Variants in MTUS2 observed in about 807,000 individuals in gnomAD.
MTUS2 encodes microtubule-associated tumor suppressor candidate 2.
A neutral mutation model predicts 114.1 loss-of-function variants in MTUS2; 40 were observed. The ratio of observed to expected loss-of-function variants is 0.35; its 90% CI spans 0.27 to 0.46. The LOEUF (loss-of-function observed/expected upper bound fraction) is 0.46. MTUS2 is among the 20% of genes least tolerant of loss of function. The probability of loss-of-function intolerance (pLI) is 1.00; values close to 1 mark genes in which losing one functional copy is unlikely to be tolerated. For missense variants in MTUS2, 1,679 were observed against 1,705.4 expected, an observed-to-expected ratio of 0.98 and a Z score of 0.27; for synonymous variants, 688 against 672.0, an observed-to-expected ratio of 1.02 and a Z score of -0.37.
At chr13:28,985,384 C>G (rs1179389467) in intron 2 of MTUS2, among the ~76,000 whole-genome samples, 1 of 152,150 alleles carries the variant, frequency 6.6e-6, no homozygotes, top group African/African-American at 2.4e-5. Context: ...GTACTGAAAG[C>G]AGTTAGCACA....
chr13:29,334,857 C>A (rs1485795980), intron 7 of MTUS2, among the ~76,000 whole-genome samples: 1 of 152,216 alleles, frequency 6.6e-6, no homozygotes, highest in Non-Finnish European at 1.5e-5. Flanking sequence ...AATCAATACT[C>A]TTGTGATTTC....
chr13:29,048,670 G>A (rs1205714214), intron 4 of MTUS2, among the ~76,000 whole-genome samples: 2 of 152,136 alleles, frequency 1.3e-5, no homozygotes, highest in African/African-American at 2.4e-5. Context: ...AGGTCTTACT[G>A]TATTGCCCAG....
chr13:29,491,031 G>A (rs1217454256), intron 11 of MTUS2, among the ~76,000 whole-genome samples: 1 of 145,514 alleles, frequency 6.9e-6, no homozygotes, highest in Non-Finnish European at 1.5e-5. Flanking sequence ...GGGGGGATGC[G>A]GGTTTGTGTG....
intron 5 of MTUS2, among the ~76,000 whole-genome samples, chr13:29,128,990 A>G (rs963815889): frequency 6.6e-6 from 1 of 152,214 alleles, no homozygotes; most frequent in African/African-American, 2.4e-5. Context: ...TGTAAATGAT[A>G]AAACAAAGGT....
intron 5 of MTUS2, among the ~76,000 whole-genome samples, chr13:29,254,352 C>T (rs1029453870): frequency 1.3e-5 from 2 of 152,176 alleles, no homozygotes; most frequent in Non-Finnish European, 2.9e-5. Context: ...GCAGAATGGC[C>T]TGGACCTGTA....
intron 12 of MTUS2, among the ~76,000 whole-genome samples, chr13:29,495,027 A>C (rs1320296144): frequency 1.3e-5 from 2 of 151,768 alleles, no homozygotes; most frequent in Non-Finnish European, 2.9e-5. Flanking sequence ...TCTACCAAAA[A>C]TACAAAATTA....
In MTUS2 at chr13:29,471,918, A is replaced by G. The variant is rs192037184; in HGVS notation, c.3185-8232A>G. 9.1e-3 allele frequency among the ~76,000 whole-genome samples: 1,379 copies of G among 152,346 alleles called. 8 individuals carry two copies. The highest frequency in any genetic ancestry group is 0.015 in the Non-Finnish European group (994 of 68,026). On this transcript the variant is annotated intron_variant, in intron 9 of 15. Coordinates refer to ENST00000612955, the MANE Select transcript of MTUS2 (RefSeq NM_001033602.4). ...CGCAGATGCCACCTGTGATTTTCAC[A>G]GCGCCAGCTCCCTTTTGGTCACCAG... is the stretch of plus-strand genomic sequence containing the variant.
At chr13:29,107,775 T>A (rs1357531630) in intron 5 of MTUS2, among the ~76,000 whole-genome samples, 1 of 152,214 alleles carries the variant, frequency 6.6e-6, no homozygotes, top group African/African-American at 2.4e-5. Context: ...CAAACTTAGA[T>A]GTCTCGTTTT....
chr13:28,887,659 A>C (rs981358399), intron 2 of MTUS2, among the ~76,000 whole-genome samples: 4 of 152,202 alleles, frequency 2.6e-5, no homozygotes, highest in African/African-American at 9.6e-5. Flanking sequence ...CCTTGCAGGC[A>C]TGTGCCAAGG....
At chr13:28,830,286 G>A (rs926856888) in intron 1 of MTUS2, among the ~76,000 whole-genome samples, 1 of 151,938 alleles carries the variant, frequency 6.6e-6, no homozygotes, top group African/African-American at 2.4e-5. Context: ...GCCATAACAG[G>A]AAAAACAAAA....
At chr13:29,493,690 G>T (rs1480628269) in intron 12 of MTUS2, among the ~76,000 whole-genome samples, 1 of 152,144 alleles carries the variant, frequency 6.6e-6, no homozygotes, top group Non-Finnish European at 1.5e-5. Context: ...GTGGTTTGCC[G>T]TTGGCCAATG....
At position 28,981,599 on chromosome 13, in the gene MTUS2, G is replaced by T. The variant is rs551841993; in HGVS notation, c.-242-42858G>T. Among the ~76,000 whole-genome samples the T allele has an allele frequency of 2.6e-5, 4 of 152,328 alleles. No individual in the cohort carries two copies. The East Asian group carries it at 7.7e-4, about 29-fold the overall frequency. On this transcript the variant is annotated intron_variant, in intron 2 of 15. Coordinates refer to ENST00000612955, the MANE Select transcript of MTUS2 (RefSeq NM_001033602.4). ...GAAATGAAAAAAGTGATGGAAAAAA[G>T]TAGAGTTCCCAGTATTGTTTCCCTT...
chr13:29,158,426 C>G (rs1265093771), intron 5 of MTUS2, among the ~76,000 whole-genome samples: 4 of 144,504 alleles, frequency 2.8e-5, no homozygotes, highest in Non-Finnish European at 4.5e-5. Context: ...AGGGCTCAGC[C>G]CAGGCCAATC....
intron 5 of MTUS2, among the ~76,000 whole-genome samples, chr13:29,276,586 A>G (rs757853303): frequency 2.0e-5 from 3 of 152,160 alleles, no homozygotes; most frequent in Non-Finnish European, 4.4e-5. Flanking sequence ...CTGGCCACCA[A>G]CCAGCTCAAT....
chr13:29,316,386 G>T (rs1244914268), intron 6 of MTUS2, among the ~76,000 whole-genome samples: 5 of 152,166 alleles, frequency 3.3e-5, no homozygotes, highest in Non-Finnish European at 7.4e-5. Context: ...AGGTAGAAAG[G>T]TTGGGGCCAG....
chr13:28,839,757 C>T (rs969089362), intron 1 of MTUS2, 21 bp from the exon 2 acceptor site: 1 of 152,022 alleles, frequency 6.6e-6, no homozygotes, highest in Non-Finnish European at 1.5e-5. Context: ...CTAAATTTTC[C>T]TGTATCTTTT....
At chr13:28,926,693 A>C (rs994885624) in intron 2 of MTUS2, among the ~76,000 whole-genome samples, 3 of 152,132 alleles carry the variant, frequency 2.0e-5, no homozygotes, top group African/African-American at 7.2e-5. Context: ...GTGCATTCTG[A>C]TTTCATCTCT....
chr13:29,431,374 A>G (rs1876977404), intron 8 of MTUS2, among the ~76,000 whole-genome samples: 1 of 152,226 alleles, frequency 6.6e-6, no homozygotes, highest in African/African-American at 2.4e-5. Context: ...GGGACCATCA[A>G]ATAATTCTTA....
chr13:28,984,518 C>G (rs1884491435), intron 2 of MTUS2, among the ~76,000 whole-genome samples: 1 of 152,230 alleles, frequency 6.6e-6, no homozygotes, highest in African/African-American at 2.4e-5. Flanking sequence ...TGCTGCATCA[C>G]AGCTTGCAGC....
Sources: gnomAD v4.1 joint callset for allele counts (sites outside exome capture counted in the v4.1 genomes callset) on GRCh38, gnomAD v4.1.1 for gene constraint, MANE v1.5 for transcripts, NCBI Gene and HGNC (gene_info 2026-07-23, HGNC 2026-07-21) for gene names.